The following RNF169 variants were observed in gnomAD, a reference collection of about 807,000 sequenced individuals.
The protein encoded by RNF169 is E3 ubiquitin-protein ligase RNF169.
RNF169 carries 24 observed loss-of-function variants against 53.9 expected under a neutral mutation model. The observed-to-expected ratio is 0.45, with a 90% CI of 0.32 to 0.63. The LOEUF is 0.63. RNF169 is among the 20% of genes least tolerant of loss of function. The pLI is 0.04. For synonymous variants in RNF169, 396 were observed against 363.5 expected, an observed-to-expected ratio of 1.09 and a Z score of -1.02; for missense variants, 883 against 906.2, an observed-to-expected ratio of 0.97 and a Z score of 0.33.
chr11:74,817,587 C>A lies in RNF169; in HGVS notation c.724-9C>A. The stretch of plus-strand genomic sequence containing the variant: ...ATGGACAGTGTTGTCTCCCTTGTCT[C>A]CCTGCCAGTGTCCTGCACGTCTCTC... On this transcript the variant is annotated splice_polypyrimidine_tract_variant and intron_variant, in intron 3 of 5. Coordinates refer to ENST00000299563, the MANE Select transcript of RNF169 (RefSeq NM_001098638.2). The A allele has an allele frequency of 6.3e-7, 1 of 1,577,260 alleles. No individual in the cohort carries two copies. The highest frequency in any genetic ancestry group is 2.2e-5 in the East Asian group (1 of 44,718).
At chr11:74,750,916 C>G (rs933718907) in intron 1 of RNF169, among the ~76,000 whole-genome samples, 2 of 135,648 alleles carry the variant, frequency 1.5e-5, no homozygotes, top group African/African-American at 5.6e-5. Context: ...CTCTGTCTCC[C>G]AGGCTGGAGT....
Position 74,840,887 on chromosome 11 carries a change from A to G in RNF169, c.*4157A>G, listed in dbSNP as rs769121053. The stretch of plus-strand genomic sequence containing the variant: ...CTGAATAAATAATCATTAAAGTTTG[A>G]CACACGCAGACACACGCACCAATGA... On this transcript the variant is annotated 3_prime_UTR_variant, in exon 6 of 6. Coordinates refer to ENST00000299563, the MANE Select transcript of RNF169 (RefSeq NM_001098638.2). 2.7e-5 allele frequency: 4 copies of G among 150,608 alleles called. No homozygotes were observed. The highest frequency in any genetic ancestry group is 5.9e-5 in the Non-Finnish European group (4 of 67,872). 9.3% of individuals were successfully genotyped at this position (150,608 alleles called of 1,614,324 possible).
At chr11:74,774,362 A>T (rs554305762) in intron 1 of RNF169, among the ~76,000 whole-genome samples, 10 of 151,632 alleles carry the variant, frequency 6.6e-5, no homozygotes, top group African/African-American at 2.4e-4. Context: ...AAAAAACCCA[A>T]AAAAACAAGA....
At chr11:74,757,087 G>A (rs1271402147) in intron 1 of RNF169, among the ~76,000 whole-genome samples, 12 of 139,718 alleles carry the variant, frequency 8.6e-5, no homozygotes, top group African/African-American at 2.8e-4. Context: ...ATGCTGGTGC[G>A]CTGCACCCAC....
At chr11:74,819,592 G>C (rs1219589556) in intron 4 of RNF169, among the ~76,000 whole-genome samples, 1 of 152,206 alleles carries the variant, frequency 6.6e-6, no homozygotes, top group African/African-American at 2.4e-5. Flanking sequence ...GTGCCTGTTG[G>C]TAGGTTAAAC....
At chr11:74,758,804 G>A (rs1357162933) in intron 1 of RNF169, among the ~76,000 whole-genome samples, 2 of 151,954 alleles carry the variant, frequency 1.3e-5, no homozygotes, top group Non-Finnish European at 2.9e-5. Flanking sequence ...GCGCCCGGCC[G>A]TCCATATGAA....
chr11:74,818,789 T>G (rs545269416), intron 4 of RNF169, among the ~76,000 whole-genome samples: 3 of 151,804 alleles, frequency 2.0e-5, no homozygotes, highest in African/African-American at 7.3e-5. Flanking sequence ...TTTCCACCAG[T>G]ATTATTTAGT....
chr11:74,831,962 T>C (rs534356878), intron 4 of RNF169: 2 of 152,294 alleles, frequency 1.3e-5, no homozygotes, highest in African/African-American at 4.8e-5. Flanking sequence ...AGAATGAAGT[T>C]GGGCCCCAAC....
intron 2 of RNF169, among the ~76,000 whole-genome samples, chr11:74,791,983 T>C (rs2035586484): frequency 1.3e-5 from 2 of 152,204 alleles, no homozygotes; most frequent in African/African-American, 4.8e-5. Context: ...ATCACTGTTG[T>C]GGTATATTTC....
chr11:74,806,958 T>G (rs1383382830), intron 2 of RNF169, among the ~76,000 whole-genome samples: 2 of 152,164 alleles, frequency 1.3e-5, no homozygotes, highest in Non-Finnish European at 1.5e-5. Flanking sequence ...TAGAAATTAA[T>G]AAGGGAAAAG....
At chr11:74,762,521 C>T (rs997462696) in intron 1 of RNF169, among the ~76,000 whole-genome samples, 1 of 152,200 alleles carries the variant, frequency 6.6e-6, no homozygotes, top group Non-Finnish European at 1.5e-5. Context: ...TTCCTTCTAA[C>T]AGACAGGACC....
Position 74,836,950 on chromosome 11 carries a change from C to T in RNF169, c.*220C>T. The T allele has an allele frequency of 2.1e-6, 1 of 468,052 alleles. No individual in the cohort carries two copies. The highest frequency in any genetic ancestry group is 3.8e-6 in the Non-Finnish European group (1 of 263,710). 29.0% of individuals were successfully genotyped at this position (468,052 alleles called of 1,614,324 possible). On this transcript the variant is annotated 3_prime_UTR_variant, in exon 6 of 6. Coordinates refer to ENST00000299563, the MANE Select transcript of RNF169 (RefSeq NM_001098638.2). ...CTGAGTGACCCATCCCTAAGGGCTT[C>T]TGGGCCAAACCTGGCAGCACCCACT... is the stretch of plus-strand genomic sequence containing the variant.
chr11:74,772,432 TA>T (rs1424465425), intron 1 of RNF169, among the ~76,000 whole-genome samples: 1 of 151,778 alleles, frequency 6.6e-6, no homozygotes, highest in Non-Finnish European at 1.5e-5. Context: ...ACTTGGCACT[TA>T]ATCCTTCAGT....
chr11:74,807,346 A>T (rs1325012845), intron 2 of RNF169, among the ~76,000 whole-genome samples: 1 of 152,038 alleles, frequency 6.6e-6, no homozygotes, highest in Non-Finnish European at 1.5e-5. Flanking sequence ...GATACATTTC[A>T]TATACCTGTA....
chr11:74,786,202 G>A (rs1373211806), intron 1 of RNF169, among the ~76,000 whole-genome samples: 1 of 150,404 alleles, frequency 6.6e-6, no homozygotes, highest in African/African-American at 2.4e-5. Context: ...GCCTCCCAAA[G>A]TGCTGGGATT....
At chr11:74,803,320 A>G (rs561123883) in intron 2 of RNF169, among the ~76,000 whole-genome samples, 1 of 152,178 alleles carries the variant, frequency 6.6e-6, no homozygotes, top group Admixed American at 6.5e-5. Flanking sequence ...CTCCTGACCT[A>G]GTGATCTGCC....
chr11:74,792,156 T>A (rs1370791893), intron 2 of RNF169, among the ~76,000 whole-genome samples: 2 of 152,262 alleles, frequency 1.3e-5, no homozygotes, highest in Admixed American at 1.3e-4. Context: ...GTGAGGTTTT[T>A]GTCTCTTTTA....
chr11:74,839,957 A>G lies in RNF169; in HGVS notation c.*3227A>G, dbSNP rs940157054. 3.3e-5 allele frequency: 5 copies of G among 152,134 alleles called. No homozygotes were observed. The highest frequency in any genetic ancestry group is 9.7e-5 in the African/African-American group (4 of 41,436). 9.4% of individuals were successfully genotyped at this position (152,134 alleles called of 1,614,324 possible). On this transcript the variant is annotated 3_prime_UTR_variant, in exon 6 of 6. Coordinates refer to ENST00000299563, the MANE Select transcript of RNF169 (RefSeq NM_001098638.2). ...CACTTATTTTTTAAATTTTAATTTA[A>G]TTTTTAAATTTTTGCTTGGAAGCAG...
At chr11:74,762,437 A>G (rs2035101469) in intron 1 of RNF169, among the ~76,000 whole-genome samples, 1 of 151,972 alleles carries the variant, frequency 6.6e-6, no homozygotes, top group Non-Finnish European at 1.5e-5. Context: ...TTGTGGTTTT[A>G]TCTACTTTTG....
Sources: allele counts gnomAD v4.1 joint callset (sites outside exome capture counted in the v4.1 genomes callset), GRCh38; gene constraint gnomAD v4.1.1; transcripts MANE v1.5; gene names NCBI Gene and HGNC (gene_info 2026-07-23, HGNC 2026-07-21).